Variants in C11orf65 observed in about 807,000 individuals in gnomAD.
C11orf65 encodes chromosome 11 open reading frame 65, also known as protein MFI.
A neutral mutation model predicts 35.3 loss-of-function variants in C11orf65; 38 were observed. That is an observed-to-expected ratio of 1.08 (90% CI 0.83 to 1.41). The LOEUF (loss-of-function observed/expected upper bound fraction) is 1.41, where lower values mean the gene tolerates loss of function less well. Ranked by LOEUF, C11orf65 falls within the 40% of genes most tolerant of loss-of-function variation. The pLI is 0.00. For synonymous variants in C11orf65, 105 were observed against 114.4 expected, an observed-to-expected ratio of 0.92 and a Z score of 0.53; for missense variants, 370 against 367.1, an observed-to-expected ratio of 1.01 and a Z score of -0.06.
chr11:108,358,830 A>G (rs1025732160), intron 2 of C11orf65, among the ~76,000 whole-genome samples: 3 of 150,804 alleles, frequency 2.0e-5, no homozygotes, highest in Non-Finnish European at 3.0e-5. Context: ...GGTACCAGCC[A>G]CTGCAAAATC....
intron 2 of C11orf65, among the ~76,000 whole-genome samples, chr11:108,362,966 AAAAC>A (rs922186826): frequency 3.9e-5 from 6 of 152,118 alleles, no homozygotes; most frequent in East Asian, 3.9e-4. Flanking sequence ...AAAAACTAAA[AAAAC>A]AAACAACAAA....
intron 6 of C11orf65, among the ~76,000 whole-genome samples, chr11:108,322,536 G>A (rs1209353918): frequency 6.6e-6 from 1 of 152,176 alleles, no homozygotes; most frequent in Non-Finnish European, 1.5e-5. Context: ...TTTGTAAAAG[G>A]TGTTCAGAAG....
chr11:108,360,226 C>T (rs1396055863), intron 2 of C11orf65, among the ~76,000 whole-genome samples: 3 of 149,916 alleles, frequency 2.0e-5, no homozygotes, highest in East Asian at 2.0e-4. Flanking sequence ...GACACATACA[C>T]TCTCCCAAGA....
rs138526014 is a variant in C11orf65, at chr11:108,335,848, C to T, written c.227-556G>A. Reference sequence around the variant, plus strand: ...TTCATGCTTAATTATTCTGAAGGGCCGTGATGACCTGAGACAAGATGCTGT... The same window carrying T: ...TTCATGCTTAATTATTCTGAAGGGCTGTGATGACCTGAGACAAGATGCTGT... On this transcript the variant is annotated intron_variant, in intron 2 of 3. Transcript: ENST00000524755. 1.2e-5 allele frequency: 20 copies of T among 1,611,848 alleles called. No individual in the cohort carries two copies. The highest frequency in any genetic ancestry group is 2.2e-5 in the South Asian group (2 of 91,006).
chr11:108,379,722 A>G (rs1414267214), downstream of C11orf65, among the ~76,000 whole-genome samples: 1 of 152,024 alleles, frequency 6.6e-6, no homozygotes. Context: ...AGGGACTTCT[A>G]CACAAGGACA....
intron 2 of C11orf65, among the ~76,000 whole-genome samples, chr11:108,356,535 TG>T: frequency 2.8e-5 from 4 of 140,498 alleles, no homozygotes; most frequent in African/African-American, 1.1e-4. Flanking sequence ...AGACTCTGTC[TG>T]TCTTAAAAAA....
chr11:108,339,544 T>C (rs2087257024), intron 2 of C11orf65, among the ~76,000 whole-genome samples: 2 of 152,130 alleles, frequency 1.3e-5, no homozygotes, highest in Non-Finnish European at 1.5e-5. Flanking sequence ...TCACACAAAA[T>C]ACCCAGATAC....
At chr11:108,337,105 T>A (rs1200748261) in intron 2 of C11orf65, among the ~76,000 whole-genome samples, 4 of 152,180 alleles carry the variant, frequency 2.6e-5, no homozygotes, top group African/African-American at 7.2e-5. Context: ...ATAAATTAGA[T>A]CTACCCTCCA....
chr11:108,363,555 G>A (rs1224924061), intron 2 of C11orf65, among the ~76,000 whole-genome samples: 1 of 152,184 alleles, frequency 6.6e-6, no homozygotes, highest in African/African-American at 2.4e-5. Flanking sequence ...TGGGAGATGA[G>A]GATAGTATTG....
intron 3 of C11orf65, chr11:108,331,581 C>A (rs1161423460): frequency 2.5e-6 from 4 of 1,582,978 alleles, no homozygotes; most frequent in Non-Finnish European, 2.6e-6. Context: ...AAAATCAAAC[C>A]ACAATAATTA....
intron 6 of C11orf65, among the ~76,000 whole-genome samples, chr11:108,396,715 T>A (rs576407135): frequency 6.6e-6 from 1 of 151,536 alleles, no homozygotes; most frequent in Non-Finnish European, 1.5e-5. Flanking sequence ...GTGCTTGTAG[T>A]CCCAGCTACT....
At chr11:108,334,579 T>C (rs2086626509) in intron 3 of C11orf65, among the ~76,000 whole-genome samples, 1 of 152,234 alleles carries the variant, frequency 6.6e-6, no homozygotes. Flanking sequence ...ATCTAGTTAC[T>C]TGATTTGAAA....
At chr11:108,387,974 G>C (rs1224173722) in intron 7 of C11orf65, among the ~76,000 whole-genome samples, 1 of 152,232 alleles carries the variant, frequency 6.6e-6, no homozygotes, top group Non-Finnish European at 1.5e-5. Context: ...TGCAGGACAA[G>C]AGCAGGTGGT....
chr11:108,437,802 G>A (rs2093087389), intron 2 of C11orf65, among the ~76,000 whole-genome samples: 1 of 137,084 alleles, frequency 7.3e-6, no homozygotes, highest in South Asian at 2.5e-4. Flanking sequence ...GTATTGTTAA[G>A]ATGACAGTAT....
chr11:108,412,921 A>G (rs1196039872), intron 3 of C11orf65, among the ~76,000 whole-genome samples: 2 of 152,214 alleles, frequency 1.3e-5, no homozygotes, highest in Non-Finnish European at 2.9e-5. Context: ...AAATATGTGA[A>G]GCAAAAACTG....
intron 6 of C11orf65, among the ~76,000 whole-genome samples, chr11:108,403,060 C>G (rs1162627874): frequency 6.6e-6 from 1 of 152,174 alleles, no homozygotes; most frequent in Non-Finnish European, 1.5e-5. Context: ...CACATACAAT[C>G]TTTCTGTGGA....
At chr11:108,432,204 T>G (rs2092999929) in intron 2 of C11orf65, among the ~76,000 whole-genome samples, 1 of 152,180 alleles carries the variant, frequency 6.6e-6, no homozygotes, top group Non-Finnish European at 1.5e-5. Flanking sequence ...GTTCAGCTGT[T>G]AGTATTTAGC....
intron 2 of C11orf65, chr11:108,336,140 T>TA: frequency 1.9e-6 from 1 of 521,894 alleles, no homozygotes; most frequent in Non-Finnish European, 3.4e-6. Flanking sequence ...TGACAAAAAG[T>TA]TAAAAAAAAA....
chr11:108,458,712 T>C (rs946250148), intron 2 of C11orf65, among the ~76,000 whole-genome samples: 4 of 152,210 alleles, frequency 2.6e-5, no homozygotes, highest in Admixed American at 2.0e-4. Context: ...TTAAGTATTT[T>C]ATTAATTTTT....
Sources: allele counts gnomAD v4.1 joint callset (sites outside exome capture counted in the v4.1 genomes callset), GRCh38; gene constraint gnomAD v4.1.1; transcripts MANE v1.5; gene names NCBI Gene and HGNC (gene_info 2026-07-23, HGNC 2026-07-21).